ATP10B: variants seen among roughly 807,000 people sequenced by gnomAD.
ATP10B encodes phospholipid-transporting ATPase VB.
A neutral mutation model predicts 141.2 loss-of-function variants in ATP10B; 122 were observed. The observed-to-expected ratio is 0.86, with a 90% CI of 0.75 to 1.00. The LOEUF (loss-of-function observed/expected upper bound fraction) is 1.00. Ranked by LOEUF, ATP10B falls within the 50% of genes least tolerant of loss-of-function variation. ATP10B has a pLI of 0.00. For synonymous variants in ATP10B, 685 were observed against 692.0 expected, an observed-to-expected ratio of 0.99 and a Z score of 0.16; for missense variants, 1,876 against 1,825.3, an observed-to-expected ratio of 1.03 and a Z score of -0.51.
At chr5:160,842,838 C>G (rs1019131822) in intron 1 of ATP10B, among the ~76,000 whole-genome samples, 2 of 151,582 alleles carry the variant, frequency 1.3e-5, no homozygotes, top group Non-Finnish European at 2.9e-5. Flanking sequence ...AAATCAGGGC[C>G]CATGTGGCTT....
upstream of ATP10B, among the ~76,000 whole-genome samples, chr5:160,856,680 G>A (rs1292585245): frequency 1.3e-5 from 2 of 151,346 alleles, no homozygotes; most frequent in Non-Finnish European, 3.0e-5. Context: ...TGATTTGTAT[G>A]TAGATTTGTA....
At chr5:160,767,563 T>TGGC (rs1769545580) in intron 2 of ATP10B, among the ~76,000 whole-genome samples, 1 of 151,684 alleles carries the variant, frequency 6.6e-6, no homozygotes, top group Non-Finnish European at 1.5e-5. Context: ...GAATGTATTA[T>TGGC]AAATATTACT....
intron 1 of ATP10B, among the ~76,000 whole-genome samples, chr5:160,830,268 GCAT>G (rs1774966516): frequency 6.6e-6 from 1 of 152,026 alleles, no homozygotes; most frequent in East Asian, 1.9e-4. Context: ...GAATCAAATT[GCAT>G]ATTTTCTTTA....
intron 2 of ATP10B, among the ~76,000 whole-genome samples, chr5:160,783,982 G>A (rs1249635214): frequency 6.6e-6 from 1 of 151,910 alleles, no homozygotes; most frequent in South Asian, 2.1e-4. Flanking sequence ...ACTTATCATC[G>A]CGGCTCATCA....
chr5:160,909,093 T>TG, the ATP10B span, among the ~76,000 whole-genome samples: 5 of 152,174 alleles, frequency 3.3e-5, no homozygotes, highest in African/African-American at 9.6e-5. Context: ...TATGATTTTA[T>TG]GGGGGGTCAG....
intron 1 of ATP10B, among the ~76,000 whole-genome samples, chr5:160,831,722 C>T (rs755101163): frequency 1.3e-5 from 2 of 152,028 alleles, no homozygotes; most frequent in Admixed American, 6.6e-5. Flanking sequence ...TGCTGAATAC[C>T]TCCTTACCAG....
At chr5:160,865,043 C>A in the ATP10B span, among the ~76,000 whole-genome samples, 2 of 151,850 alleles carry the variant, frequency 1.3e-5, no homozygotes, top group Admixed American at 1.3e-4. Flanking sequence ...AAAATATCAC[C>A]ATCATTCTTC....
At chr5:160,891,628 G>A in the ATP10B span, among the ~76,000 whole-genome samples, 1 of 152,022 alleles carries the variant, frequency 6.6e-6, no homozygotes, top group African/African-American at 2.4e-5. Flanking sequence ...AGTAGAGATG[G>A]GGTTTCACCA....
the ATP10B span, among the ~76,000 whole-genome samples, chr5:160,874,942 C>T: frequency 1.4e-5 from 2 of 139,414 alleles, no homozygotes; most frequent in Non-Finnish European, 3.1e-5. Flanking sequence ...AGAATGGAAC[C>T]AAGTTGGAAA....
chr5:160,697,523 A>C (rs1163221096), intron 3 of ATP10B, among the ~76,000 whole-genome samples: 1 of 152,120 alleles, frequency 6.6e-6, no homozygotes, highest in East Asian at 1.9e-4. Context: ...CAGGCTACAA[A>C]ACATGTCCTA....
chr5:160,843,763 G>T (rs1022162151), intron 1 of ATP10B, among the ~76,000 whole-genome samples: 3 of 152,090 alleles, frequency 2.0e-5, no homozygotes, highest in African/African-American at 7.2e-5. Flanking sequence ...GGCAATTCAA[G>T]AATGTCCAGC....
chr5:160,742,114 G>A (rs1767520919), intron 2 of ATP10B, among the ~76,000 whole-genome samples: 1 of 152,106 alleles, frequency 6.6e-6, no homozygotes, highest in Admixed American at 6.6e-5. Context: ...TAGTCTATTG[G>A]GTTAAATGAT....
chr5:160,638,085 C>T (rs922646166), intron 10 of ATP10B, among the ~76,000 whole-genome samples: 10 of 152,194 alleles, frequency 6.6e-5, no homozygotes, highest in Non-Finnish European at 1.3e-4. Flanking sequence ...AAAGAAGAAA[C>T]ACCACCTTTA....
the ATP10B span, among the ~76,000 whole-genome samples, chr5:160,914,582 AT>A: frequency 6.6e-6 from 1 of 152,038 alleles, no homozygotes; most frequent in African/African-American, 2.4e-5. Flanking sequence ...CTGTACTGCT[AT>A]TTTTTATTGT....
chr5:160,797,310 G>C (rs1465103867), intron 1 of ATP10B, among the ~76,000 whole-genome samples: 1 of 152,046 alleles, frequency 6.6e-6, no homozygotes, highest in African/African-American at 2.4e-5. Context: ...CTCACTTTTT[G>C]CATCAGTACC....
rs908373602 is a variant in ATP10B, at chr5:160,606,018, A to G, written c.3160+747T>C. Among the ~76,000 whole-genome samples, 8 of 152,336 alleles carry G rather than the reference A, an allele frequency of 5.3e-5. No homozygotes were observed. In the South Asian group the frequency reaches 1.5e-3, roughly 28 times the overall value. The stretch of plus-strand genomic sequence containing the variant: ...TGCAAAGGCCCAGAAGTGAGAGAGG[A>G]CAAGGCCCATGGAGAATGGTAAACA... On this transcript the variant is annotated intron_variant, in intron 19 of 25. Coordinates refer to ENST00000327245, the MANE Select transcript of ATP10B (RefSeq NM_025153.3).
At chr5:160,608,159 T>C (rs1449871635) in intron 18 of ATP10B, among the ~76,000 whole-genome samples, 1 of 151,112 alleles carries the variant, frequency 6.6e-6, no homozygotes, top group Non-Finnish European at 1.5e-5. Context: ...ACTTCCCACC[T>C]ATGAGTGAGA....
intron 2 of ATP10B, among the ~76,000 whole-genome samples, chr5:160,742,808 C>A (rs894686625): frequency 2.0e-5 from 3 of 152,070 alleles, no homozygotes; most frequent in Non-Finnish European, 4.4e-5. Context: ...TGGATGAGTT[C>A]TAAGATCATT....
intron 2 of ATP10B, among the ~76,000 whole-genome samples, chr5:160,741,916 G>A (rs1561807043): frequency 6.6e-6 from 1 of 152,154 alleles, no homozygotes; most frequent in Non-Finnish European, 1.5e-5. Flanking sequence ...CTTAGTAAGT[G>A]CCAGACTTTG....
Sources: gnomAD v4.1 joint callset for allele counts (sites outside exome capture counted in the v4.1 genomes callset) on GRCh38, gnomAD v4.1.1 for gene constraint, MANE v1.5 for transcripts, NCBI Gene and HGNC (gene_info 2026-07-23, HGNC 2026-07-21) for gene names.